The following KRT8 variants were observed in gnomAD, a reference collection of about 807,000 sequenced individuals.
The protein encoded by KRT8 is keratin 8.
Under a neutral mutation model 43.0 loss-of-function variants are expected in KRT8, and 24 were observed. The ratio of observed to expected loss-of-function variants is 0.56; its 90% confidence interval spans 0.40 to 0.78. The LOEUF (loss-of-function observed/expected upper bound fraction) is 0.78, where lower values mean the gene tolerates loss of function less well. Among genes scored for constraint, KRT8 ranks in the 30% least tolerant of loss-of-function variants. KRT8 has a pLI of 0.00. For missense variants in KRT8, 492 were observed against 638.4 expected, an observed-to-expected ratio of 0.77 and a Z score of 2.47; for synonymous variants, 214 against 261.2, an observed-to-expected ratio of 0.82 and a Z score of 1.74.
chr12:52,901,528 G>A, intron 2 of KRT8: 1 of 552,436 alleles, frequency 1.8e-6, no homozygotes, highest in Non-Finnish European at 3.2e-6. Context: ...GAGGTCAAGG[G>A]TCAAGACTAA....
At chr12:52,910,235 G>A (rs917438261), upstream of KRT8, among the ~76,000 whole-genome samples, 2 of 152,136 alleles carry the variant, frequency 1.3e-5, no homozygotes, top group African/African-American at 2.4e-5. Context: ...AAGATCGCCC[G>A]TGGGAGATTA....
intron 2 of KRT8, among the ~76,000 whole-genome samples, chr12:52,940,061 G>A (rs574529119): frequency 6.6e-6 from 1 of 152,148 alleles, no homozygotes; most frequent in Admixed American, 6.6e-5. Context: ...TTAAAAGGAA[G>A]GATAAATACT....
chr12:52,900,180 G>A, intron 4 of KRT8, 115 bp from the exon 5 acceptor site: 1 of 1,077,676 alleles, frequency 9.3e-7, no homozygotes. Flanking sequence ...AGGAGCAGGT[G>A]GGAGTCAGGG....
At chr12:52,949,258 G>A (rs1465913307) in intron 2 of KRT8, 42 of 1,611,180 alleles carry the variant, frequency 2.6e-5, no homozygotes, top group Non-Finnish European at 3.6e-5. Flanking sequence ...CGCCCGGCCG[G>A]TCAGCAGCGC....
intron 1 of KRT8, chr12:52,903,585 G>C (rs1021938597): frequency 1.3e-5 from 2 of 152,168 alleles, no homozygotes; most frequent in African/African-American, 4.8e-5. Flanking sequence ...CGGGGGCCCG[G>C]GGCCCCTCAG....
At chr12:52,935,135 C>T (rs1193620510) in intron 2 of KRT8, among the ~76,000 whole-genome samples, 1 of 151,318 alleles carries the variant, frequency 6.6e-6, no homozygotes, top group African/African-American at 2.4e-5. Flanking sequence ...AATCCCAGCA[C>T]TTTGGGAGGC....
chr12:52,929,736 C>T (rs1031989930), intron 2 of KRT8, among the ~76,000 whole-genome samples: 21 of 152,262 alleles, frequency 1.4e-4, no homozygotes, highest in East Asian at 7.7e-4. Context: ...AAGCCACCCA[C>T]AGAGGCCAGA....
intron 2 of KRT8, among the ~76,000 whole-genome samples, chr12:52,915,330 C>T (rs1048088375): frequency 4.7e-5 from 7 of 150,108 alleles, no homozygotes; most frequent in African/African-American, 1.7e-4. Context: ...GCCGAGATCT[C>T]GCCACTGCAC....
intron 5 of KRT8, 143 bp downstream of exon 5, chr12:52,899,632 G>C (rs749163499): frequency 2.1e-5 from 15 of 705,902 alleles, no homozygotes; most frequent in Non-Finnish European, 2.4e-5. Flanking sequence ...AGACTGAGAA[G>C]CTGAACTGTG....
upstream of KRT8, among the ~76,000 whole-genome samples, chr12:52,909,715 T>C (rs1941594029): frequency 6.6e-6 from 1 of 152,198 alleles, no homozygotes; most frequent in Non-Finnish European, 1.5e-5. Flanking sequence ...AATTAGAATG[T>C]CCAAGTCCCG....
At chr12:52,926,491 T>TC (rs1941995229) in intron 2 of KRT8, 12 of 1,532,844 alleles carry the variant, frequency 7.8e-6, no homozygotes, top group Non-Finnish European at 1.0e-5. Flanking sequence ...ATCAGGCACC[T>TC]CCCCACAAAG....
intron 2 of KRT8, among the ~76,000 whole-genome samples, chr12:52,917,711 A>AAAAAAAG (rs1555188201): frequency 2.0e-5 from 2 of 102,358 alleles, no homozygotes; most frequent in Non-Finnish European, 3.7e-5. Context: ...TCTGTCTCAA[A>AAAAAAAG]AAAAAAAAAA....
chr12:52,936,153 G>A (rs556229734), intron 2 of KRT8, among the ~76,000 whole-genome samples: 3 of 152,246 alleles, frequency 2.0e-5, no homozygotes, highest in Admixed American at 6.5e-5. Flanking sequence ...TCGGGAGGCC[G>A]AGGCAGGAGA....
intron 2 of KRT8, chr12:52,949,076 G>C: frequency 8.7e-7 from 1 of 1,145,820 alleles, no homozygotes; most frequent in South Asian, 1.3e-5. Flanking sequence ...CGGGGGCGGG[G>C]CCTCACTCTG....
intron 2 of KRT8, among the ~76,000 whole-genome samples, chr12:52,938,185 TA>T (rs1446630664): frequency 0.068 from 4,356 of 64,506 alleles, 715 homozygotes; most frequent in African/African-American, 0.084. Flanking sequence ...TTTTTTTTTT[TA>T]TATATAAGGT....
chr12:52,899,640 G>A, intron 5 of KRT8, 135 bp downstream of exon 5: 2 of 738,572 alleles, frequency 2.7e-6, no homozygotes, highest in East Asian at 2.7e-5. Context: ...AAGCTGAACT[G>A]TGGCTGCCCC....
At chr12:52,905,110 A>G, upstream of KRT8, 1 of 1,448,020 alleles carries the variant, frequency 6.9e-7, no homozygotes. Flanking sequence ...GCCCCGGGGG[A>G]TGGGGGGGAA....
At chr12:52,897,664 A>G (rs774494509) in intron 7 of KRT8, 46 bp from the exon 8 acceptor site, 3 of 1,597,336 alleles carry the variant, frequency 1.9e-6, no homozygotes, top group Middle Eastern at 2.2e-4. Flanking sequence ...AGCCCACCCC[A>G]TGGCAGGCTC....
intron 2 of KRT8, among the ~76,000 whole-genome samples, chr12:52,918,237 A>AGAAGAAGAAGAAGAAGAG (rs1941813935): frequency 2.0e-5 from 3 of 151,688 alleles, no homozygotes; most frequent in Non-Finnish European, 2.9e-5. Flanking sequence ...AAGAAGAAGA[A>AGAAGAAGAAGAAGAAGAG]GAAGAAGAAG....
Sources: allele counts gnomAD v4.1 joint callset (sites outside exome capture counted in the v4.1 genomes callset), GRCh38; gene constraint gnomAD v4.1.1; transcripts MANE v1.5; gene names NCBI Gene and HGNC (gene_info 2026-07-23, HGNC 2026-07-21).